Variants in KIAA0825 observed in about 807,000 individuals in gnomAD.
The protein encoded by KIAA0825 is KIAA0825, also known as uncharacterized protein KIAA0825.
Under a neutral mutation model 147.6 loss-of-function variants are expected in KIAA0825, and 119 were observed. The observed-to-expected ratio is 0.81, with a 90% confidence interval of 0.69 to 0.94. The LOEUF (loss-of-function observed/expected upper bound fraction) is 0.94, where lower values mean the gene tolerates loss of function less well. KIAA0825 is among the 40% of genes least tolerant of loss of function. KIAA0825 has a pLI of 0.00. For synonymous variants in KIAA0825, 470 were observed against 518.1 expected, an observed-to-expected ratio of 0.91 and a Z score of 1.26; for missense variants, 1,381 against 1,472.7, an observed-to-expected ratio of 0.94 and a Z score of 1.02.
chr5:94,566,194 T>G (rs1778678144), intron 2 of KIAA0825, among the ~76,000 whole-genome samples: 1 of 152,212 alleles, frequency 6.6e-6, no homozygotes, highest in Admixed American at 6.5e-5. Context: ...TGAGGTGGTA[T>G]GTTCATTTTA....
intron 5 of KIAA0825, among the ~76,000 whole-genome samples, chr5:94,512,702 T>G (rs1324363806): frequency 6.6e-6 from 1 of 151,592 alleles, no homozygotes; most frequent in Admixed American, 6.6e-5. Context: ...GAGACCAGCC[T>G]GCCAACATGG....
intron 2 of KIAA0825, among the ~76,000 whole-genome samples, chr5:94,544,633 C>T (rs937310661): frequency 5.3e-5 from 8 of 152,164 alleles, no homozygotes; most frequent in African/African-American, 1.9e-4. Flanking sequence ...TCTTTACTGA[C>T]ATTTCAATAG....
intron 20 of KIAA0825, among the ~76,000 whole-genome samples, chr5:94,223,920 T>C (rs925786202): frequency 1.3e-5 from 2 of 152,040 alleles, no homozygotes; most frequent in African/African-American, 4.8e-5. Context: ...GCATTATTTT[T>C]CCAATATTCT....
chr5:94,366,127 C>A (rs1489208463), intron 20 of KIAA0825, among the ~76,000 whole-genome samples: 3 of 152,194 alleles, frequency 2.0e-5, no homozygotes, highest in Non-Finnish European at 4.4e-5. Context: ...TCCTTAAAAA[C>A]TCCAGCCACC....
intron 20 of KIAA0825, among the ~76,000 whole-genome samples, chr5:94,341,254 C>T (rs1350766617): frequency 6.6e-6 from 1 of 152,190 alleles, no homozygotes; most frequent in Non-Finnish European, 1.5e-5. Context: ...TCATATCAGA[C>T]AGAGAGTTTT....
chr5:94,576,022 G>A (rs1056727053), intron 2 of KIAA0825, among the ~76,000 whole-genome samples: 1 of 152,142 alleles, frequency 6.6e-6, no homozygotes, highest in Admixed American at 6.5e-5. Flanking sequence ...ATTAGTGTTA[G>A]ACATAATGAT....
chr5:94,493,563 C>T (rs1763974632), intron 5 of KIAA0825, among the ~76,000 whole-genome samples: 1 of 152,162 alleles, frequency 6.6e-6, no homozygotes, highest in African/African-American at 2.4e-5. Context: ...TCTCAGCTCA[C>T]TGCAAGCTCC....
chr5:94,392,927 CCT>C (rs1310789175), intron 17 of KIAA0825, among the ~76,000 whole-genome samples: 3 of 151,562 alleles, frequency 2.0e-5, no homozygotes, highest in African/African-American at 7.3e-5. Flanking sequence ...TTTTAAAAGA[CCT>C]TTTTACAATA....
chr5:94,243,255 T>C (rs1452384545), intron 20 of KIAA0825, among the ~76,000 whole-genome samples: 1 of 152,170 alleles, frequency 6.6e-6, no homozygotes, highest in Admixed American at 6.5e-5. Flanking sequence ...TGTTTTAACC[T>C]TTGTGGGTTG....
chr5:94,409,264 T>C (rs1206952756), intron 15 of KIAA0825, among the ~76,000 whole-genome samples: 3 of 152,202 alleles, frequency 2.0e-5, no homozygotes, highest in Non-Finnish European at 2.9e-5. Context: ...ATAAAGTAAC[T>C]GGTCCCAGAC....
At chr5:94,520,173 T>C (rs548843347) in intron 5 of KIAA0825, 75 bp downstream of exon 5, 3 of 1,402,916 alleles carry the variant, frequency 2.1e-6, no homozygotes, top group South Asian at 1.9e-5. Context: ...TTTAACCAAA[T>C]AGAAAACATC....
chr5:94,564,971 T>TCTTTTTCTTC (rs1224911638), intron 2 of KIAA0825, among the ~76,000 whole-genome samples: 13 of 145,080 alleles, frequency 9.0e-5, no homozygotes, highest in Non-Finnish European at 1.5e-4. Flanking sequence ...TCTTTTCTTT[T>TCTTTTTCTTC]TCTTCTCTTC....
In KIAA0825 at chr5:94,396,165, CA is replaced by C. The variant is rs1051346845; in HGVS notation, c.3231del (p.Ile1077MetfsTer14). The C allele has an allele frequency of 6.5e-7, 1 of 1,544,870 alleles. No homozygotes were observed. The highest frequency in any genetic ancestry group is 8.7e-7 in the Non-Finnish European group (1 of 1,145,014). ...NQMIQKVIQS[I>X]EQQKPNWIER... ...TCAATCCAGTTGGGCTTCTGCTGCT[CA>C]ATGCTCTGTATGACCTTTTGGATCA... On this transcript the variant is annotated frameshift_variant, in exon 17 of 21. Transcript: ENST00000682413. LOFTEE classifies it high-confidence loss of function.
chr5:94,401,375 C>T (rs1387814706), intron 16 of KIAA0825, among the ~76,000 whole-genome samples: 1 of 152,062 alleles, frequency 6.6e-6, no homozygotes, highest in South Asian at 2.1e-4. Flanking sequence ...GCATTCCCAG[C>T]ACTAGTTTTA....
At chr5:94,232,496 C>T (rs972960357) in intron 20 of KIAA0825, among the ~76,000 whole-genome samples, 1 of 148,658 alleles carries the variant, frequency 6.7e-6, no homozygotes, top group Non-Finnish European at 1.5e-5. Flanking sequence ...TCTGGGGCAG[C>T]ATGGCATTCC....
intron 20 of KIAA0825, among the ~76,000 whole-genome samples, chr5:94,230,897 T>C (rs187206041): frequency 6.6e-6 from 1 of 152,262 alleles, no homozygotes; most frequent in East Asian, 1.9e-4. Context: ...GTTTTACTCT[T>C]TCTGGGATTA....
intron 20 of KIAA0825, among the ~76,000 whole-genome samples, chr5:94,225,416 T>G (rs1774071713): frequency 6.6e-6 from 1 of 152,240 alleles, no homozygotes; most frequent in Admixed American, 6.5e-5. Flanking sequence ...CTTTTCCCCC[T>G]GTTATGGACT....
chr5:94,445,360 A>C (rs1757594697), intron 13 of KIAA0825, among the ~76,000 whole-genome samples: 1 of 152,200 alleles, frequency 6.6e-6, no homozygotes, highest in African/African-American at 2.4e-5. Flanking sequence ...TTATGTGATG[A>C]ATGCCACTGA....
chr5:94,359,739 T>C (rs1382153003), intron 20 of KIAA0825, among the ~76,000 whole-genome samples: 1 of 152,236 alleles, frequency 6.6e-6, no homozygotes, highest in East Asian at 1.9e-4. Flanking sequence ...AACCATGAAA[T>C]GGGAAAATTA....
Sources: gnomAD v4.1 joint callset for allele counts (sites outside exome capture counted in the v4.1 genomes callset) on GRCh38, gnomAD v4.1.1 for gene constraint, MANE v1.5 for transcripts, NCBI Gene and HGNC (gene_info 2026-07-23, HGNC 2026-07-21) for gene names.